The following IRAG2 variants were observed in gnomAD, a reference collection of about 807,000 sequenced individuals.
The protein encoded by IRAG2 is inositol 1,4,5-triphosphate receptor associated 2.
A neutral mutation model predicts 69.9 loss-of-function variants in IRAG2; 45 were observed. The observed-to-expected ratio is 0.64, with a 90% confidence interval of 0.51 to 0.83. The LOEUF is 0.83. Among genes scored for constraint, IRAG2 ranks in the 40% least tolerant of loss-of-function variants. The probability of loss-of-function intolerance (pLI) is 0.00; values close to 1 mark genes in which losing one functional copy is unlikely to be tolerated. For synonymous variants in IRAG2, 193 were observed against 202.4 expected (o/e 0.95, Z 0.40); for missense variants, 520 against 587.0 (o/e 0.89, Z 1.18).
chr12:25,050,139 A>T (rs1012020766), upstream of IRAG2, among the ~76,000 whole-genome samples: 5 of 151,680 alleles, frequency 3.3e-5, no homozygotes, highest in African/African-American at 1.2e-4. Flanking sequence ...AAAAACAAAA[A>T]CAAAAAACAA....
chr12:25,051,756 G>A (rs746434744), upstream of IRAG2, among the ~76,000 whole-genome samples: 5 of 152,184 alleles, frequency 3.3e-5, no homozygotes, highest in African/African-American at 7.2e-5. Context: ...TACTATGATT[G>A]ACAACCCTTA....
intron 9 of IRAG2, among the ~76,000 whole-genome samples, chr12:25,027,819 T>C (rs565099624): frequency 2.0e-4 from 30 of 152,384 alleles, no homozygotes; most frequent in South Asian, 4.1e-4. Flanking sequence ...TCGTCTGCTA[T>C]GAACATTTGT....
intron 9 of IRAG2, among the ~76,000 whole-genome samples, chr12:25,029,546 ATATT>A (rs535082852): frequency 3.0e-4 from 46 of 152,320 alleles, no homozygotes; most frequent in African/African-American, 1.0e-3. Context: ...GTCAATATAC[ATATT>A]TATTCATTCT....
At chr12:25,015,336 T>C in intron 4 of IRAG2, 1 of 1,231,852 alleles carries the variant, frequency 8.1e-7, no homozygotes, top group Non-Finnish European at 1.0e-6. Context: ...ATAAAACTCT[T>C]GTATGTGTTT....
intron 15 of IRAG2, among the ~76,000 whole-genome samples, chr12:25,037,148 T>C (rs960065204): frequency 3.3e-5 from 5 of 152,172 alleles, no homozygotes; most frequent in Non-Finnish European, 7.4e-5. Flanking sequence ...AAAGGAAGCA[T>C]ATGAGAAGGT....
At chr12:25,026,689 A>G (rs929271318) in intron 8 of IRAG2, 2 of 466,810 alleles carry the variant, frequency 4.3e-6, no homozygotes, top group African/African-American at 4.0e-5. Context: ...AAAAGGCAAT[A>G]CTGAGAGTGA....
intron 6 of IRAG2, chr12:25,076,463 G>C: frequency 1.0e-6 from 1 of 983,262 alleles, no homozygotes; most frequent in Non-Finnish European, 1.2e-6. Flanking sequence ...GAGGCAAACT[G>C]TATTTTTACT....
intron 5 of IRAG2, among the ~76,000 whole-genome samples, chr12:25,067,788 C>T (rs570733523): frequency 1.3e-5 from 2 of 152,198 alleles, no homozygotes; most frequent in Non-Finnish European, 2.9e-5. Flanking sequence ...TCACCTCAGC[C>T]TTCTGAGTAG....
At position 25,005,236 on chromosome 12, in the gene IRAG2, A is replaced by G. The variant is rs1471815269; in HGVS notation, c.575-5A>G. The G allele has an allele frequency of 8.3e-6, 10 of 1,203,760 alleles. No homozygotes were observed. In the Admixed American group the frequency reaches 2.1e-4, roughly 25 times the overall value. The allele number at this position is 1,203,760 out of a possible 1,614,324, so 74.6% of individuals were successfully genotyped here. ...TCAGGATTTACAAACTTTTTCTTCT[A>G]ATAGGATGGAAACAAGAAGCTGATG... is the stretch of plus-strand genomic sequence containing the variant. On this transcript the variant is annotated splice_region_variant and splice_polypyrimidine_tract_variant and intron_variant, in intron 1 of 38. Transcript: ENST00000636465.
chr12:25,039,500 T>A (rs1276416373), intron 16 of IRAG2, among the ~76,000 whole-genome samples: 1 of 152,166 alleles, frequency 6.6e-6, no homozygotes, highest in Non-Finnish European at 1.5e-5. Flanking sequence ...GCGTGATCTC[T>A]GCTCACTGCA....
rs746579722 is a variant in IRAG2, at chr12:25,032,156, A to ATG, written c.1533_1534insTG (p.Glu512TrpfsTer9). 4.5e-5 allele frequency: 18 copies of ATG among 398,904 alleles called. No homozygotes were observed. The highest frequency in any genetic ancestry group is 8.0e-5 in the Non-Finnish European group (18 of 226,050). 24.7% of individuals were successfully genotyped at this position (398,904 alleles called of 1,614,324 possible). On this transcript the variant is annotated frameshift_variant, in exon 11 of 39. Transcript: ENST00000636465. LOFTEE classifies it high-confidence loss of function. ...CTACTTTTCAGAAAGGCTTATATAT[A>ATG]GAAGAACTTAAATCAACCATCATAG... is the stretch of plus-strand genomic sequence containing the variant.
chr12:25,051,668 G>A (rs1203414949), upstream of IRAG2, among the ~76,000 whole-genome samples: 4 of 152,172 alleles, frequency 2.6e-5, no homozygotes, highest in African/African-American at 9.7e-5. Flanking sequence ...GCAAAAAGAG[G>A]ACTAAAGTAG....
Position 25,089,609 on chromosome 12 carries a change from A to T in IRAG2, c.374-5A>T. On this transcript the variant is annotated splice_polypyrimidine_tract_variant and splice_region_variant and intron_variant, in intron 11 of 21. Coordinates refer to ENST00000556887, the MANE Select transcript of IRAG2 (RefSeq NM_001366544.2). ...ACCAAATAATATTTTATTATATTTT[A>T]ATAGACTCTGTGGTTTCCCCTCTTC... is the stretch of plus-strand genomic sequence containing the variant. 1 of 1,555,080 alleles carries T rather than the reference A, an allele frequency of 6.4e-7. No individual in the cohort carries two copies. Among genetic ancestry groups the T allele is most frequent in the Non-Finnish European group, 8.8e-7 (1 of 1,133,534 alleles).
chr12:25,106,373 ATATT>A (rs1949118289), intron 20 of IRAG2, among the ~76,000 whole-genome samples: 3 of 147,016 alleles, frequency 2.0e-5, no homozygotes, highest in African/African-American at 5.0e-5. Context: ...ATAAATATAT[ATATT>A]ATGGAATATG....
At chr12:25,032,624 A>G (rs1944676469) in intron 12 of IRAG2, among the ~76,000 whole-genome samples, 1 of 152,146 alleles carries the variant, frequency 6.6e-6, no homozygotes, top group Admixed American at 6.6e-5. Context: ...ACAGTTTTGG[A>G]GGCTGGAACT....
intron 16 of IRAG2, among the ~76,000 whole-genome samples, chr12:25,041,208 G>A (rs1468464356): frequency 6.6e-6 from 1 of 152,180 alleles, no homozygotes; most frequent in Non-Finnish European, 1.5e-5. Context: ...GGGGTAAGCA[G>A]TGGTAGGATG....
intron 3 of IRAG2, among the ~76,000 whole-genome samples, chr12:25,012,143 CCTTTTTTTTTTTTTT>C (rs1306851550): frequency 4.2e-5 from 1 of 24,096 alleles, no homozygotes; most frequent in Non-Finnish European, 1.4e-4. Context: ...AAGCGAATTC[CCTTTTTTTTTTTTTT>C]TTTTTTTTTT....
At chr12:25,041,662 GT>G (rs201257184) in intron 16 of IRAG2, among the ~76,000 whole-genome samples, 9 of 102,828 alleles carry the variant, frequency 8.8e-5, no homozygotes, top group African/African-American at 2.9e-4. Flanking sequence ...GCTAAGTTTT[GT>G]TTTTTTTTGT....
intron 9 of IRAG2, among the ~76,000 whole-genome samples, chr12:25,029,782 A>ACCATCCT (rs1240584264): frequency 6.6e-6 from 1 of 152,000 alleles, no homozygotes; most frequent in Non-Finnish European, 1.5e-5. Flanking sequence ...TGGGGCTCAA[A>ACCATCCT]CCATCCTCCA....
Sources: allele counts gnomAD v4.1 joint callset (sites outside exome capture counted in the v4.1 genomes callset), GRCh38; gene constraint gnomAD v4.1.1; transcripts MANE v1.5; gene names NCBI Gene and HGNC (gene_info 2026-07-23, HGNC 2026-07-21).